Variants in CDH13 observed in about 807,000 individuals in gnomAD.
CDH13 encodes cadherin 13, also known as cadherin-13.
In CDH13, 24 loss-of-function variants were observed where a neutral mutation model predicts 63.8. That is an observed-to-expected ratio of 0.38 (90% confidence interval 0.27 to 0.53). The LOEUF is 0.53. Ranked by LOEUF, CDH13 falls within the 20% of genes least tolerant of loss-of-function variation. The probability of loss-of-function intolerance (pLI) is 0.85; values close to 1 mark genes in which losing one functional copy is unlikely to be tolerated. For missense variants in CDH13, 1,049 were observed against 903.1 expected (o/e 1.16, Z -2.07); for synonymous variants, 503 against 355.3 (o/e 1.42, Z -4.67).
intron 7 of CDH13, among the ~76,000 whole-genome samples, chr16:83,586,748 T>C (rs1334126985): frequency 6.6e-6 from 1 of 152,160 alleles, no homozygotes; most frequent in Non-Finnish European, 1.5e-5. Context: ...AGAAGCTGAC[T>C]GTACCAGGCA....
At chr16:82,713,503 G>T (rs936069248) in intron 1 of CDH13, among the ~76,000 whole-genome samples, 1 of 152,112 alleles carries the variant, frequency 6.6e-6, no homozygotes, top group African/African-American at 2.4e-5. Context: ...TGCTTCCTCT[G>T]CCAACACTCT....
At chr16:83,401,987 C>T (rs1031183034) in intron 6 of CDH13, among the ~76,000 whole-genome samples, 1 of 152,118 alleles carries the variant, frequency 6.6e-6, no homozygotes, top group Non-Finnish European at 1.5e-5. Context: ...GCCACTAAAG[C>T]AATGACTTTT....
At chr16:83,554,524 A>G (rs1305737399) in intron 7 of CDH13, among the ~76,000 whole-genome samples, 3 of 152,124 alleles carry the variant, frequency 2.0e-5, no homozygotes, top group Non-Finnish European at 2.9e-5. Context: ...TTATGTTAAA[A>G]TTTTTTTTAA....
intron 8 of CDH13, among the ~76,000 whole-genome samples, chr16:83,661,568 G>A (rs1466499142): frequency 2.0e-5 from 3 of 152,080 alleles, no homozygotes; most frequent in Non-Finnish European, 4.4e-5. Context: ...AGTCTTCAGT[G>A]GCCATGTCTT....
At chr16:83,044,550 A>G (rs1183222815) in intron 3 of CDH13, among the ~76,000 whole-genome samples, 1 of 152,232 alleles carries the variant, frequency 6.6e-6, no homozygotes, top group African/African-American at 2.4e-5. Context: ...CTCCCAGGCC[A>G]GGGACCTGAT....
intron 2 of CDH13, among the ~76,000 whole-genome samples, chr16:82,921,824 A>G (rs573389200): frequency 8.1e-4 from 124 of 152,238 alleles, no homozygotes; most frequent in Middle Eastern, 6.8e-3. Context: ...AAATACTGGT[A>G]TTATTTCCTC....
chr16:83,054,581 T>C (rs1269597936), intron 3 of CDH13, among the ~76,000 whole-genome samples: 2 of 152,166 alleles, frequency 1.3e-5, no homozygotes, highest in African/African-American at 4.8e-5. Context: ...ACTTACAAAT[T>C]ATTTCTTTCT....
At chr16:83,632,499 A>T (rs1381005501) in intron 8 of CDH13, among the ~76,000 whole-genome samples, 1 of 151,972 alleles carries the variant, frequency 6.6e-6, no homozygotes, top group East Asian at 2.0e-4. Context: ...GGTGCATTCT[A>T]CTAGACCCTC....
chr16:83,700,146 C>G (rs984343108), intron 10 of CDH13, among the ~76,000 whole-genome samples: 1 of 152,184 alleles, frequency 6.6e-6, no homozygotes, highest in African/African-American at 2.4e-5. Context: ...GATTAGTGTA[C>G]ATTTTGTAGA....
At chr16:83,436,911 C>G (rs1361550023) in intron 6 of CDH13, among the ~76,000 whole-genome samples, 3 of 152,186 alleles carry the variant, frequency 2.0e-5, no homozygotes, top group Non-Finnish European at 2.9e-5. Context: ...ACCTGTAAAA[C>G]TCCATCAGAG....
intron 2 of CDH13, among the ~76,000 whole-genome samples, chr16:82,896,890 C>A (rs894611179): frequency 6.7e-6 from 1 of 149,778 alleles, no homozygotes; most frequent in African/African-American, 2.5e-5. Context: ...ACAGCATTCT[C>A]CTGCCTCAGC....
intron 5 of CDH13, among the ~76,000 whole-genome samples, chr16:83,255,162 T>G (rs1459466363): frequency 6.6e-6 from 1 of 152,116 alleles, no homozygotes. Flanking sequence ...AATTGACTAT[T>G]GAAAAGGCTG....
At chr16:83,049,593 C>G (rs2030059436) in intron 3 of CDH13, among the ~76,000 whole-genome samples, 1 of 152,034 alleles carries the variant, frequency 6.6e-6, no homozygotes, top group African/African-American at 2.4e-5. Flanking sequence ...CCTCAGCCTC[C>G]CAGAGTGCTG....
At chr16:83,544,877 G>C (rs1225521481) in intron 7 of CDH13, among the ~76,000 whole-genome samples, 1 of 152,182 alleles carries the variant, frequency 6.6e-6, no homozygotes. Context: ...TCTGGCCACA[G>C]TATAAGCTCA....
chr16:83,589,082 C>T (rs1446862331), intron 7 of CDH13, among the ~76,000 whole-genome samples: 1 of 152,184 alleles, frequency 6.6e-6, no homozygotes, highest in Non-Finnish European at 1.5e-5. Flanking sequence ...GAGGTGTCAG[C>T]AGGTCTGGAT....
At chr16:82,653,513 T>A (rs1416302743) in intron 1 of CDH13, among the ~76,000 whole-genome samples, 2 of 152,072 alleles carry the variant, frequency 1.3e-5, no homozygotes, top group Non-Finnish European at 2.9e-5. Context: ...GGACTGGATG[T>A]ACCTGCACAA....
At chr16:83,434,928 A>G (rs1018665760) in intron 6 of CDH13, among the ~76,000 whole-genome samples, 61 of 146,410 alleles carry the variant, frequency 4.2e-4, no homozygotes, top group African/African-American at 1.5e-3. Flanking sequence ...TATATAATAT[A>G]TAAATATATT....
chr16:83,496,498 C>G (rs564502747), intron 7 of CDH13, among the ~76,000 whole-genome samples: 1,756 of 151,756 alleles, frequency 0.012, 28 homozygotes, highest in African/African-American at 0.041. Context: ...ACACCTTATA[C>G]AAAAATCAAT....
At chr16:83,034,734 C>G (rs1399055231) in intron 3 of CDH13, among the ~76,000 whole-genome samples, 1 of 152,134 alleles carries the variant, frequency 6.6e-6, no homozygotes, top group African/African-American at 2.4e-5. Context: ...AGCAGAAGAT[C>G]TTCTGGGCAG....
Sources: allele counts gnomAD v4.1 joint callset (sites outside exome capture counted in the v4.1 genomes callset), GRCh38; gene constraint gnomAD v4.1.1; transcripts MANE v1.5; gene names NCBI Gene and HGNC (gene_info 2026-07-23, HGNC 2026-07-21).